Variants in EIF2AK2 observed in about 807,000 individuals in gnomAD.
EIF2AK2 encodes the protein interferon-induced, double-stranded RNA-activated protein kinase.
In EIF2AK2, 40 loss-of-function variants were observed where a neutral mutation model predicts 70.5. That is an observed-to-expected ratio of 0.57 (90% CI 0.44 to 0.74). The LOEUF (loss-of-function observed/expected upper bound fraction) is 0.74, where lower values mean the gene tolerates loss of function less well. Ranked by LOEUF, EIF2AK2 falls within the 30% of genes least tolerant of loss-of-function variation. The pLI is 0.00. For synonymous variants in EIF2AK2, 198 were observed against 220.9 expected, an observed-to-expected ratio of 0.90 and a Z score of 0.92; for missense variants, 555 against 644.3, an observed-to-expected ratio of 0.86 and a Z score of 1.50.
At chr2:37,119,123 T>C (rs983224826) in intron 13 of EIF2AK2, among the ~76,000 whole-genome samples, 17 of 152,166 alleles carry the variant, frequency 1.1e-4, no homozygotes, top group African/African-American at 4.1e-4. Context: ...GAGGAAAGGC[T>C]GTGAAGGGCT....
At chr2:37,112,585 G>C (rs756874281) in intron 14 of EIF2AK2, among the ~76,000 whole-genome samples, 1 of 152,070 alleles carries the variant, frequency 6.6e-6, no homozygotes, top group Admixed American at 6.6e-5. Context: ...TAATGTGGCA[G>C]GTCCTGCTGT....
At chr2:37,131,780 C>T (rs945074183) in intron 10 of EIF2AK2, among the ~76,000 whole-genome samples, 1 of 152,088 alleles carries the variant, frequency 6.6e-6, no homozygotes, top group Admixed American at 6.5e-5. Flanking sequence ...GTGATGATAC[C>T]CACTGTCTTC....
At position 37,138,370 on chromosome 2, in the gene EIF2AK2, G is replaced by A; in HGVS notation, c.594-7C>T. The A allele has an allele frequency of 6.2e-7, 1 of 1,612,054 alleles. No individual in the cohort carries two copies. The highest frequency in any genetic ancestry group is 8.5e-7 in the Non-Finnish European group (1 of 1,178,728). ...AGATGATGATTCAGAAGCGCTAGAA[G>A]AAAAGGGTGTAACTATTAGTTTATT... On this transcript the variant is annotated splice_polypyrimidine_tract_variant and splice_region_variant and intron_variant, in intron 7 of 16. Coordinates refer to ENST00000233057, the MANE Select transcript of EIF2AK2 (RefSeq NM_001135651.3).
At chr2:37,138,720 T>A in intron 6 of EIF2AK2, 135 bp from the exon 7 acceptor site, 1 of 714,256 alleles carries the variant, frequency 1.4e-6, no homozygotes, top group Non-Finnish European at 2.3e-6. Flanking sequence ...ACAAGATTAA[T>A]AACATTTTTT....
In EIF2AK2 at chr2:37,154,561, C is replaced by G. The variant is rs543228282; in HGVS notation, c.-184+2347G>C. Among the ~76,000 whole-genome samples the G allele has an allele frequency of 2.6e-5, 4 of 151,974 alleles. No homozygotes were observed. In the South Asian group the frequency reaches 6.2e-4, roughly 24 times the overall value. Reference sequence around the variant, plus strand: ...CTTGGACTTTTAAGACACCCACTCTCCTAGTTTTCTTCTTTTGAGACAGAG... The same window carrying G: ...CTTGGACTTTTAAGACACCCACTCTGCTAGTTTTCTTCTTTTGAGACAGAG... On this transcript the variant is annotated intron_variant, in intron 1 of 16. Coordinates refer to ENST00000233057, the MANE Select transcript of EIF2AK2 (RefSeq NM_001135651.3).
At chr2:37,140,771 C>T (rs1343286385) in intron 5 of EIF2AK2, among the ~76,000 whole-genome samples, 1 of 152,216 alleles carries the variant, frequency 6.6e-6, no homozygotes, top group Non-Finnish European at 1.5e-5. Flanking sequence ...ACATTTTTCT[C>T]TTCCTGGTTT....
intron 10 of EIF2AK2, among the ~76,000 whole-genome samples, chr2:37,130,441 A>G (rs1198670786): frequency 6.6e-6 from 1 of 152,012 alleles, no homozygotes; most frequent in Non-Finnish European, 1.5e-5. Context: ...TCTCCCCACA[A>G]TACTCCTATT....
intron 11 of EIF2AK2, among the ~76,000 whole-genome samples, chr2:37,122,932 C>A (rs565727073): frequency 6.6e-6 from 1 of 152,044 alleles, no homozygotes; most frequent in Non-Finnish European, 1.5e-5. Context: ...CTTTGGGAGG[C>A]GAAGGTGGGC....
rs768474501 is a variant in EIF2AK2 at position 37,138,276 on chromosome 2, C to T, written c.681G>A (p.Leu227=). 5.6e-6 allele frequency: 9 copies of T among 1,610,994 alleles called. No homozygotes were observed. The Admixed American group carries it at 1.5e-4, about 27-fold the overall frequency. The change falls in exon 8 of 17, where the codon TTG becomes TTA. Residue 227 remains leucine (L), a synonymous_variant. Coordinates refer to ENST00000233057, the MANE Select transcript of EIF2AK2 (RefSeq NM_001135651.3). ...SNSDSLNSSS[L]LMNGLRNNQR... is the part of the protein sequence containing the mutation. ...TTCGAGACTAATACGATACCATAAG[C>T]AACGAAGAACTGTTTAAACTGTCAC...
intron 1 of EIF2AK2, among the ~76,000 whole-genome samples, chr2:37,153,214 C>T (rs146991095): frequency 4.6e-5 from 7 of 152,002 alleles, no homozygotes; most frequent in East Asian, 1.9e-4. Flanking sequence ...CCTTTAAGTA[C>T]ATTCACAATG....
chr2:37,118,915 T>C (rs1397163739), intron 13 of EIF2AK2, among the ~76,000 whole-genome samples: 9 of 152,302 alleles, frequency 5.9e-5, no homozygotes, highest in Non-Finnish European at 1.5e-5. Context: ...GATAGCCACA[T>C]AAATAAGGTA....
At chr2:37,143,100 G>C (rs990502691) in intron 4 of EIF2AK2, among the ~76,000 whole-genome samples, 1 of 151,958 alleles carries the variant, frequency 6.6e-6, no homozygotes, top group Non-Finnish European at 1.5e-5. Context: ...GTGGTGGTGG[G>C]TGCCTGTAAT....
At chr2:37,148,067 C>T (rs746004063) in intron 2 of EIF2AK2, among the ~76,000 whole-genome samples, 6 of 152,158 alleles carry the variant, frequency 3.9e-5, no homozygotes, top group Admixed American at 1.3e-4. Context: ...TGGTGGCTCA[C>T]GCCTATAATC....
chr2:37,148,857 C>A lies in EIF2AK2; in HGVS notation c.-17G>T. On this transcript the variant is annotated splice_region_variant and 5_prime_UTR_variant, in exon 2 of 17. It adds an upstream start codon to the 5' untranslated region. Coordinates refer to ENST00000233057, the MANE Select transcript of EIF2AK2 (RefSeq NM_001135651.3). Reference sequence around the variant, plus strand: ...GCAAAATTCGGAAGACCGCTTGTACCTGGTTGGAAGCTTTGTCCAAAATGC... The same window carrying A: ...GCAAAATTCGGAAGACCGCTTGTACATGGTTGGAAGCTTTGTCCAAAATGC... 1.2e-6 allele frequency: 1 copy of A among 846,796 alleles called. No individual in the cohort carries two copies. The highest frequency in any genetic ancestry group is 2.1e-6 in the Non-Finnish European group (1 of 481,190). 52.5% of individuals were successfully genotyped at this position (846,796 alleles called of 1,614,324 possible).
At chr2:37,119,650 G>A (rs1674466260) in intron 13 of EIF2AK2, among the ~76,000 whole-genome samples, 1 of 150,734 alleles carries the variant, frequency 6.6e-6, no homozygotes, top group Non-Finnish European at 1.5e-5. Flanking sequence ...GGAGTGCAGT[G>A]GCACAATCTT....
At chr2:37,138,407 T>TA in intron 7 of EIF2AK2, 44 bp from the exon 8 acceptor site, 1 of 1,600,856 alleles carries the variant, frequency 6.2e-7, no homozygotes. Flanking sequence ...ATTCTGTTTT[T>TA]ATCACTTATT....
chr2:37,131,328 T>C (rs1674932127), intron 10 of EIF2AK2, among the ~76,000 whole-genome samples: 1 of 152,210 alleles, frequency 6.6e-6, no homozygotes, highest in Non-Finnish European at 1.5e-5. Flanking sequence ...CTCCAACCAG[T>C]GGCATATTCT....
At chr2:37,115,005 G>A (rs1209728821) in intron 13 of EIF2AK2, 146 bp from the exon 14 acceptor site, 1 of 413,894 alleles carries the variant, frequency 2.4e-6, no homozygotes, top group Non-Finnish European at 4.0e-6. Flanking sequence ...AATTTAATAT[G>A]ACTCGTCTTT....
intron 10 of EIF2AK2, among the ~76,000 whole-genome samples, chr2:37,133,432 G>T (rs998971520): frequency 6.6e-6 from 1 of 152,018 alleles, no homozygotes; most frequent in African/African-American, 2.4e-5. Flanking sequence ...CCTTCCTACA[G>T]TCAGGAAACT....
Sources: gnomAD v4.1 joint callset for allele counts (sites outside exome capture counted in the v4.1 genomes callset) on GRCh38, gnomAD v4.1.1 for gene constraint, MANE v1.5 for transcripts, NCBI Gene and HGNC (gene_info 2026-07-23, HGNC 2026-07-21) for gene names.